The following ECT2 variants were observed in gnomAD, a reference collection of about 807,000 sequenced individuals.
ECT2 encodes the protein protein ECT2.
A neutral mutation model predicts 116.9 loss-of-function variants in ECT2; 61 were observed. The ratio of observed to expected loss-of-function variants is 0.52; its 90% CI spans 0.42 to 0.65. The LOEUF is 0.65. Ranked by LOEUF, ECT2 falls within the 30% of genes least tolerant of loss-of-function variation. The probability of loss-of-function intolerance (pLI) is 0.00; values close to 1 mark genes in which losing one functional copy is unlikely to be tolerated. For synonymous variants in ECT2, 358 were observed against 346.4 expected (o/e 1.03, Z -0.37); for missense variants, 937 against 1,078.7 (o/e 0.87, Z 1.84).
At chr3:172,808,619 T>G (rs1728181321) in intron 22 of ECT2, among the ~76,000 whole-genome samples, 1 of 152,194 alleles carries the variant, frequency 6.6e-6, no homozygotes, top group African/African-American at 2.4e-5. Context: ...CCTCTCTATA[T>G]ATGAGAGAGA....
intron 12 of ECT2, among the ~76,000 whole-genome samples, chr3:172,765,071 A>G (rs772534790): frequency 6.6e-6 from 1 of 152,126 alleles, no homozygotes; most frequent in Non-Finnish European, 1.5e-5. Context: ...TTATTGTCCC[A>G]TTTTTCTGTT....
intron 12 of ECT2, among the ~76,000 whole-genome samples, chr3:172,767,988 T>C (rs1003832749): frequency 2.0e-5 from 3 of 152,204 alleles, no homozygotes; most frequent in African/African-American, 7.2e-5. Flanking sequence ...CGCCTTGGCC[T>C]CCCAAAGCGT....
chr3:172,802,652 A>G lies in ECT2; in HGVS notation c.1944A>G (p.Gln648=), dbSNP rs750225514. The G allele has an allele frequency of 1.3e-5, 21 of 1,603,432 alleles. No homozygotes were observed. Among genetic ancestry groups the G allele is most frequent in the Non-Finnish European group, 1.7e-5 (20 of 1,174,982 alleles). ...AGGATAAGAGAAAAACAGAAGCTCA[A>G]AAGCAAATTTTTGATGTTGTTTATG... ...INEDKRKTEA[Q]KQIFDVVYEV... The change falls in exon 19 of 25, where the codon CAA becomes CAG. Residue 648 remains glutamine (Q), a synonymous_variant. Transcript: ENST00000392692.
intron 18 of ECT2, among the ~76,000 whole-genome samples, chr3:172,789,264 G>T (rs533417790): frequency 1.3e-5 from 2 of 149,602 alleles, no homozygotes; most frequent in South Asian, 4.2e-4. Context: ...TGGTTGCCCA[G>T]GCCGGAGTGC....
At chr3:172,805,158 CA>C (rs755832019) in intron 20 of ECT2, among the ~76,000 whole-genome samples, 3 of 151,934 alleles carry the variant, frequency 2.0e-5, no homozygotes, top group Admixed American at 6.6e-5. Context: ...ATGGTAGAAA[CA>C]TTCAAAATGG....
rs370516928 is a variant in ECT2, at chr3:172,791,302, A to G, written c.1907+4728A>G. On this transcript the variant is annotated intron_variant, in intron 18 of 24. Coordinates refer to ENST00000392692, the MANE Select transcript of ECT2 (RefSeq NM_001258315.2). ...AGTGATCATTGGCTTCAACATAGTC[A>G]GTCACCAGCTGCATTAGCCCCTAAC... Among the ~76,000 whole-genome samples, 7 of 152,318 alleles carry G rather than the reference A, an allele frequency of 4.6e-5. No homozygotes were observed. The South Asian group carries it at 1.2e-3, about 27-fold the overall frequency.
chr3:172,827,126 C>G, the ECT2 span, among the ~76,000 whole-genome samples: 9 of 152,084 alleles, frequency 5.9e-5, no homozygotes, highest in Admixed American at 5.2e-4. Flanking sequence ...ATAAAAAGAA[C>G]AAGCACCGAG....
intron 13 of ECT2, among the ~76,000 whole-genome samples, chr3:172,771,870 CG>C (rs1720706023): frequency 6.6e-6 from 1 of 152,114 alleles, no homozygotes; most frequent in African/African-American, 2.4e-5. Context: ...TTTTCATTTT[CG>C]TAATGACTAA....
Position 172,815,600 on chromosome 3 carries a change from A to G in ECT2, c.2401-4A>G, listed in dbSNP as rs1445094487. On this transcript the variant is annotated splice_region_variant and splice_polypyrimidine_tract_variant and intron_variant, in intron 22 of 24. Transcript: ENST00000392692. ...AGATAACAAAAAGTATTATTTTTCA[A>G]TAGGAGAATCTTATTTATACTGCTG... The G allele has an allele frequency of 3.9e-6, 6 of 1,529,050 alleles. No individual in the cohort carries two copies. Among genetic ancestry groups the G allele is most frequent in the African/African-American group, 1.4e-5 (1 of 71,756 alleles). 94.7% of individuals were successfully genotyped at this position (1,529,050 alleles called of 1,614,324 possible). A position where few individuals can be genotyped will look rare whatever the true frequency, so the allele number is the denominator to read the frequency against.
chr3:172,793,045 C>A (rs1724961629), intron 18 of ECT2, among the ~76,000 whole-genome samples: 1 of 152,140 alleles, frequency 6.6e-6, no homozygotes, highest in Admixed American at 6.5e-5. Flanking sequence ...AAGAAACTGC[C>A]AAACTGTTGG....
intron 1 of ECT2, among the ~76,000 whole-genome samples, chr3:172,754,122 A>C (rs1267723907): frequency 6.6e-6 from 1 of 152,088 alleles, no homozygotes; most frequent in Non-Finnish European, 1.5e-5. Context: ...GATAGATCTC[A>C]GATTTTTGGC....
intron 1 of ECT2, among the ~76,000 whole-genome samples, chr3:172,753,243 C>T (rs1355829436): frequency 6.6e-6 from 1 of 151,980 alleles, no homozygotes; most frequent in Admixed American, 6.6e-5. Flanking sequence ...ACTATAGGCA[C>T]CTGCCACCCA....
In ECT2 at chr3:172,793,482, A is replaced by G. The variant is rs149780638; in HGVS notation, c.1907+6908A>G. Among the ~76,000 whole-genome samples, 31 of 145,702 alleles carry G rather than the reference A, an allele frequency of 2.1e-4. No homozygotes were observed. In the East Asian group the frequency reaches 5.4e-3, roughly 25 times the overall value. On this transcript the variant is annotated intron_variant, in intron 18 of 24. Transcript: ENST00000392692. The stretch of plus-strand genomic sequence containing the variant: ...TTTTACTTTTTTATTCTTACTTTTT[A>G]AGATGGAGTCTTACTCTGTTGCCCA...
chr3:172,809,137 A>T (rs940311870), intron 22 of ECT2, among the ~76,000 whole-genome samples: 18 of 152,088 alleles, frequency 1.2e-4, no homozygotes, highest in African/African-American at 3.6e-4. Flanking sequence ...TTTTATCTGT[A>T]GAAGTTCCTT....
chr3:172,761,622 C>G lies in ECT2; in HGVS notation c.697C>G (p.Leu233Val), dbSNP rs1210300548. Reference protein sequence around the residue: ...QGEKFRVAVSLGTPIMKPEWI... With the variant: ...QGEKFRVAVSVGTPIMKPEWI... ...TTTATATTTTTAGGTTGCTGTGAGTCTAGGTACTCCAATTATGAAGCCAGA... is the reference window on the plus strand; with the variant it reads ...TTTATATTTTTAGGTTGCTGTGAGTGTAGGTACTCCAATTATGAAGCCAGA... The change falls in exon 8 of 25, where the codon CTA (leucine) becomes GTA (valine). Residue 233 changes from leucine to valine, a missense_variant. Leu to Val is a conservative substitution (Grantham distance 32). Transcript: ENST00000392692. The G allele has an allele frequency of 9.9e-6, 16 of 1,609,566 alleles. No individual in the cohort carries two copies. Among genetic ancestry groups the G allele is most frequent in the African/African-American group, 1.3e-5 (1 of 74,902 alleles).
intron 18 of ECT2, among the ~76,000 whole-genome samples, chr3:172,795,013 A>G (rs1227609387): frequency 2.0e-5 from 3 of 152,140 alleles, no homozygotes; most frequent in Non-Finnish European, 4.4e-5. Context: ...CACTTGGCCT[A>G]TGTTAGCAAT....
intron 12 of ECT2, among the ~76,000 whole-genome samples, chr3:172,765,789 G>A (rs546140624): frequency 6.6e-6 from 1 of 152,192 alleles, no homozygotes; most frequent in South Asian, 2.1e-4. Context: ...CTAATCTCAT[G>A]TGGTATTATG....
At position 172,762,961 on chromosome 3, in the gene ECT2, T is replaced by C; in HGVS notation, c.1057T>C (p.Leu353=). Residue 353 remains leucine (L), a synonymous_variant, in exon 11 of 25, where the codon TTA becomes CTA. Coordinates refer to ENST00000392692, the MANE Select transcript of ECT2 (RefSeq NM_001258315.2). Reference sequence around the variant, plus strand: ...TGCCCGAGCTGGAGAAACTATGTATTTATATGAAAAGGTATGCTTTTAACC... The same window carrying C: ...TGCCCGAGCTGGAGAAACTATGTATCTATATGAAAAGGTATGCTTTTAACC... ...MDARAGETMY[L]YEKANTPELK... 1 of 1,613,814 alleles carries C rather than the reference T, an allele frequency of 6.2e-7. No individual in the cohort carries two copies. Among genetic ancestry groups the C allele is most frequent in the Non-Finnish European group, 8.5e-7 (1 of 1,179,798 alleles).
intron 17 of ECT2, 126 bp downstream of exon 17, chr3:172,784,929 G>C (rs891448163): frequency 1.8e-6 from 1 of 550,518 alleles, no homozygotes; most frequent in African/African-American, 1.9e-5. Context: ...TATATGTTTT[G>C]CTTTATGGAT....
Sources: allele counts gnomAD v4.1 joint callset (sites outside exome capture counted in the v4.1 genomes callset), GRCh38; gene constraint gnomAD v4.1.1; transcripts MANE v1.5; gene names NCBI Gene and HGNC (gene_info 2026-07-23, HGNC 2026-07-21).